Variants in ZNF668 observed in about 807,000 individuals in gnomAD.
ZNF668 encodes zinc finger protein 668.
Under a neutral mutation model 40.3 loss-of-function variants are expected in ZNF668, and 10 were observed. That is an observed-to-expected ratio of 0.25 (90% confidence interval 0.15 to 0.42). ZNF668 has a LOEUF of 0.42. Ranked by LOEUF, ZNF668 falls within the 10% of genes least tolerant of loss-of-function variation. The pLI, the probability that ZNF668 is intolerant of heterozygous loss-of-function variation, is 1.00. For synonymous variants in ZNF668, 428 were observed against 384.6 expected (o/e 1.11, Z -1.32); for missense variants, 749 against 904.6 (o/e 0.83, Z 2.21).
intron 2 of ZNF668, among the ~76,000 whole-genome samples, chr16:31,063,336 G>A (rs1003596562): frequency 3.3e-5 from 5 of 151,904 alleles, no homozygotes; most frequent in South Asian, 2.1e-4. Flanking sequence ...TTGCTGTGTT[G>A]CCCAGGCTGG....
intron 1 of ZNF668, among the ~76,000 whole-genome samples, chr16:31,065,853 C>CAAAA (rs58263461): frequency 1.4e-5 from 2 of 142,498 alleles, no homozygotes; most frequent in Non-Finnish European, 3.1e-5. Context: ...GACTCCGTCT[C>CAAAA]AAAAAAAAAA....
intron 1 of ZNF668, chr16:31,065,030 G>T: frequency 9.0e-7 from 1 of 1,108,934 alleles, no homozygotes; most frequent in Non-Finnish European, 1.1e-6. Flanking sequence ...GACAGCAACT[G>T]TTCACACAGA....
At chr16:31,070,587 C>T (rs2057009824) in intron 1 of ZNF668, among the ~76,000 whole-genome samples, 1 of 151,904 alleles carries the variant, frequency 6.6e-6, no homozygotes, top group Admixed American at 6.6e-5. Context: ...GTTGCCAAGG[C>T]TGGAGTGCAA....
chr16:31,065,860 A>T (rs527550855), intron 1 of ZNF668, among the ~76,000 whole-genome samples: 114 of 152,020 alleles, frequency 7.5e-4, no homozygotes, highest in Admixed American at 1.8e-3. Context: ...TCTCAAAAAA[A>T]AAAAAATAAA....
intron 1 of ZNF668, chr16:31,065,907 T>C: frequency 2.2e-6 from 1 of 447,846 alleles, no homozygotes; most frequent in Non-Finnish European, 2.9e-6. Flanking sequence ...TAGGGGTTGG[T>C]GGCTTCTAAG....
intron 1 of ZNF668, chr16:31,066,450 G>A (rs945615234): frequency 1.2e-6 from 1 of 855,786 alleles, no homozygotes; most frequent in Non-Finnish European, 1.4e-6. Context: ...CCAGCTACGT[G>A]GGAGGCTGAG....
At chr16:31,064,728 T>C (rs938822341) in intron 1 of ZNF668, 4 of 1,521,290 alleles carry the variant, frequency 2.6e-6, no homozygotes, top group Admixed American at 2.0e-5. Flanking sequence ...CACCTACACG[T>C]CCCCCCCCGC....
At chr16:31,064,742 C>G in intron 1 of ZNF668, 1 of 1,521,038 alleles carries the variant, frequency 6.6e-7, no homozygotes, top group Non-Finnish European at 8.8e-7. Flanking sequence ...CCCCCGCCCC[C>G]AACGGGCTTT....
intron 1 of ZNF668, chr16:31,065,560 C>T (rs2056974578): frequency 6.6e-6 from 1 of 152,210 alleles, no homozygotes; most frequent in Admixed American, 6.6e-5. Flanking sequence ...GTTTATAAGA[C>T]TATTTCCGCC....
At chr16:31,073,563 C>G (rs1047692303) in intron 1 of ZNF668, 96 bp downstream of exon 1, 4 of 152,164 alleles carry the variant, frequency 2.6e-5, no homozygotes, top group African/African-American at 9.7e-5. Context: ...CAACCCGGCC[C>G]GCCCTCGGCG....
At chr16:31,066,466 A>G (rs2056982296) in intron 1 of ZNF668, 29 of 766,344 alleles carry the variant, frequency 3.8e-5, no homozygotes, top group Non-Finnish European at 4.4e-5. Context: ...CTGAGGCGGG[A>G]GGATCCTGTG....
At chr16:31,068,486 T>C (rs1314268237) in intron 1 of ZNF668, among the ~76,000 whole-genome samples, 15 of 149,976 alleles carry the variant, frequency 1.0e-4, no homozygotes, top group African/African-American at 3.2e-4. Flanking sequence ...CCTCCCAAAG[T>C]GCTGGGATTA....
rs111448361 is a variant in ZNF668, at chr16:31,063,797, C to G, written c.647+16G>C. On this transcript the variant is annotated intron_variant, in intron 2 of 2. Coordinates refer to ENST00000300849, the MANE Select transcript of ZNF668 (RefSeq NM_024706.5). ...CCCTGCCCCGGAAGGCGCCCTGCCC[C>G]GGAAGGCACCCTCACCGCTCATGGT... 35 of 1,540,732 alleles carry G rather than the reference C, an allele frequency of 2.3e-5. No individual in the cohort carries two copies. The highest frequency in any genetic ancestry group is 3.1e-5 in the Non-Finnish European group (35 of 1,140,478).
At position 31,064,370 on chromosome 16, in the gene ZNF668, T is replaced by A; in HGVS notation, c.90A>T (p.Thr30=). The change falls in exon 2 of 3, where the codon ACA becomes ACT. Residue 30 remains threonine, a synonymous_variant. Coordinates refer to ENST00000300849, the MANE Select transcript of ZNF668 (RefSeq NM_024706.5). The stretch of plus-strand genomic sequence containing the variant: ...GCGCTGCCCTGGGCGCGTTTGGAAA[T>A]GTCTTGGTACAGGACAGGCACTTGT... ...RRYKCLSCTK[T]FPNAPRAARH... 1.9e-6 allele frequency: 3 copies of A among 1,614,000 alleles called. No homozygotes were observed. Among genetic ancestry groups the A allele is most frequent in the Non-Finnish European group, 2.5e-6 (3 of 1,180,032 alleles).
intron 1 of ZNF668, chr16:31,064,966 A>G: frequency 7.9e-7 from 1 of 1,268,446 alleles, no homozygotes. Flanking sequence ...TCTGGAAGTG[A>G]CAGGTCCCCA....
Position 31,061,950 on chromosome 16 carries a change from G to A in ZNF668, c.978C>T (p.His326=), listed in dbSNP as rs1444173366. 2 of 1,613,664 alleles carry A rather than the reference G, an allele frequency of 1.2e-6. No individual in the cohort carries two copies. Among genetic ancestry groups the A allele is most frequent in the East Asian group, 4.5e-5 (2 of 44,878 alleles). ...DFRQPADLAM[H]RRVHTGDRPF... ...GCCGGTCGCCTGTGTGCACACGCCG[G>A]TGCATGGCCAGGTCCGCCGGCTGCC... Residue 326 remains histidine (H), a synonymous_variant, in exon 3 of 3, where the codon CAC becomes CAT. Transcript: ENST00000300849. The surrounding 1 kb of genome is among the most constrained non-coding windows in gnomAD (Gnocchi z 7.7).
At chr16:31,065,853 CA>C (rs58263461) in intron 1 of ZNF668, among the ~76,000 whole-genome samples, 63 of 142,440 alleles carry the variant, frequency 4.4e-4, no homozygotes, top group African/African-American at 4.1e-4. Context: ...GACTCCGTCT[CA>C]AAAAAAAAAA....
chr16:31,069,602 A>G (rs1353996466), intron 1 of ZNF668, among the ~76,000 whole-genome samples: 1 of 151,924 alleles, frequency 6.6e-6, no homozygotes, highest in Non-Finnish European at 1.5e-5. Context: ...AGGAGCACTG[A>G]ATGACTACCT....
chr16:31,062,863 G>A (rs188066677), intron 2 of ZNF668: 5 of 151,446 alleles, frequency 3.3e-5, no homozygotes, highest in African/African-American at 1.2e-4. Flanking sequence ...GGGAGGCCGA[G>A]GCGGGCGGAT....
Sources: gnomAD v4.1 joint callset for allele counts (sites outside exome capture counted in the v4.1 genomes callset) on GRCh38, gnomAD v4.1.1 for gene constraint, Gnocchi (gnomAD v3.1) non-coding constraint, MANE v1.5 for transcripts, NCBI Gene and HGNC (gene_info 2026-07-23, HGNC 2026-07-21) for gene names.